Variants in CASZ1 observed in about 807,000 individuals in gnomAD.
The protein encoded by CASZ1 is zinc finger protein castor homolog 1.
CASZ1 carries 28 observed loss-of-function variants against 135.2 expected under a neutral mutation model. The ratio of observed to expected loss-of-function variants is 0.21; its 90% CI spans 0.15 to 0.28. CASZ1 has a LOEUF of 0.28. CASZ1 is among the 10% of genes least tolerant of loss of function. The pLI is 1.00. For synonymous variants in CASZ1, 1,068 were observed against 1,073.4 expected (o/e 0.99, Z 0.10); for missense variants, 2,161 against 2,453.3 (o/e 0.88, Z 2.52).
At chr1:10,753,970 C>G (rs1021628317) in intron 2 of CASZ1, among the ~76,000 whole-genome samples, 2 of 152,172 alleles carry the variant, frequency 1.3e-5, no homozygotes, top group African/African-American at 4.8e-5. Context: ...CCCACCCTGA[C>G]CCCCTCGACT....
In CASZ1 at chr1:10,699,328, G is replaced by C. The variant is rs1639011069; in HGVS notation, c.-23-5416C>G. ...TCCCCCCATTTCCTTTTAGGGAAGTGCTGGCCACAACCCCAAACAGTAGCC... is the reference window on the plus strand; with the variant it reads ...TCCCCCCATTTCCTTTTAGGGAAGTCCTGGCCACAACCCCAAACAGTAGCC... On this transcript the variant is annotated intron_variant, in intron 3 of 20. Transcript: ENST00000377022. This position sits in a 1 kb window ranked among gnomAD's most constrained non-coding sequence, Gnocchi z 4.6. Among the ~76,000 whole-genome samples, 1 of 152,194 alleles carries C rather than the reference G, an allele frequency of 6.6e-6. No homozygotes were observed. Among genetic ancestry groups the C allele is most frequent in the Admixed American group, 6.5e-5 (1 of 15,278 alleles).
Position 10,793,045 on chromosome 1 carries a change from G to A in CASZ1, c.-234+3519C>T, listed in dbSNP as rs565695632. Among the ~76,000 whole-genome samples the A allele has an allele frequency of 4.6e-5, 7 of 152,182 alleles. No homozygotes were observed. In the East Asian group the frequency reaches 1.3e-3, roughly 29 times the overall value. ...TAAATTAAAAAGGGGTGGGGGGCAA[G>A]ATAAACTATTAATAAGTGTGAAAAA... On this transcript the variant is annotated intron_variant, in intron 1 of 20. Transcript: ENST00000377022.
Position 10,643,007 on chromosome 1 carries a change from G to C in CASZ1, c.4021-7C>G. The stretch of plus-strand genomic sequence containing the variant: ...CCATCAGGCCTGGGGGGCCCTGAAA[G>C]GACACGGGGGTCCCTGAGGAAGTGG... On this transcript the variant is annotated splice_polypyrimidine_tract_variant and splice_region_variant and intron_variant, in intron 19 of 20. Coordinates refer to ENST00000377022, the MANE Select transcript of CASZ1 (RefSeq NM_001079843.3). The C allele has an allele frequency of 6.2e-7, 1 of 1,611,288 alleles. No homozygotes were observed. The highest frequency in any genetic ancestry group is 1.1e-5 in the South Asian group (1 of 91,026).
chr1:10,703,746 C>T (rs1050410913), intron 3 of CASZ1, among the ~76,000 whole-genome samples: 18 of 152,120 alleles, frequency 1.2e-4, no homozygotes, highest in African/African-American at 4.3e-4. Flanking sequence ...CCTAAAGGGC[C>T]AGAGAGAAAA....
Position 10,741,960 on chromosome 1 carries a change from G to A in CASZ1, c.-77+18741C>T, listed in dbSNP as rs1366111987. Among the ~76,000 whole-genome samples the A allele has an allele frequency of 1.3e-5, 2 of 151,924 alleles. No individual in the cohort carries two copies. The highest frequency in any genetic ancestry group is 1.5e-5 in the Non-Finnish European group (1 of 67,990). ...ACCTAATGTGCCTAACCCAGCAAGC[G>A]CCGAGACACGGACCCCTCACCGCTT... On this transcript the variant is annotated intron_variant, in intron 2 of 20. Coordinates refer to ENST00000377022, the MANE Select transcript of CASZ1 (RefSeq NM_001079843.3). The surrounding 1 kb of genome is among the most constrained non-coding windows in gnomAD (Gnocchi z 5.0).
rs796417089 is a variant in CASZ1, at chr1:10,692,401, G to C, written c.16+1473C>G. ...TCTGCTTCTTGGCTGGGATGGGTGG[G>C]GGCCCCATTTCCGAAGAAAGGGGGT... On this transcript the variant is annotated intron_variant, in intron 4 of 20. Transcript: ENST00000377022. Among the ~76,000 whole-genome samples the C allele has an allele frequency of 2.3e-4, 35 of 152,294 alleles. 4 individuals carry two copies. Among genetic ancestry groups the C allele is most frequent in the African/African-American group, 8.4e-4 (35 of 41,544 alleles).
chr1:10,776,945 G>A lies in CASZ1; in HGVS notation c.-233-16088C>T, dbSNP rs1435933122. Among the ~76,000 whole-genome samples, 1 of 152,114 alleles carries A rather than the reference G, an allele frequency of 6.6e-6. No homozygotes were observed. Among genetic ancestry groups the A allele is most frequent in the East Asian group, 1.9e-4 (1 of 5,190 alleles). On this transcript the variant is annotated intron_variant, in intron 1 of 20. Coordinates refer to ENST00000377022, the MANE Select transcript of CASZ1 (RefSeq NM_001079843.3). This position sits in a 1 kb window ranked among gnomAD's most constrained non-coding sequence, Gnocchi z 4.1. Reference sequence around the variant, plus strand: ...CCCCACCATCTGATCCCCTAGGAGGGTCCCTTTACTTCCTGCAACTGGAGG... The same window carrying A: ...CCCCACCATCTGATCCCCTAGGAGGATCCCTTTACTTCCTGCAACTGGAGG...
At position 10,767,139 on chromosome 1, in the gene CASZ1, C is replaced by T. The variant is rs893516809; in HGVS notation, c.-233-6282G>A. 1.3e-5 allele frequency among the ~76,000 whole-genome samples: 2 copies of T among 152,162 alleles called. No individual in the cohort carries two copies. The highest frequency in any genetic ancestry group is 1.5e-5 in the Non-Finnish European group (1 of 68,030). On this transcript the variant is annotated intron_variant, in intron 1 of 20. Transcript: ENST00000377022. This position sits in a 1 kb window ranked among gnomAD's most constrained non-coding sequence, Gnocchi z 4.2. The stretch of plus-strand genomic sequence containing the variant: ...GGGGAAAAGATGGGGCCCGGTCGTC[C>T]GCATTCCTCATGAGTTCCTGATGGG...
chr1:10,678,136 A>G (rs1461750428), intron 4 of CASZ1, among the ~76,000 whole-genome samples: 1 of 152,336 alleles, frequency 6.6e-6, no homozygotes, highest in East Asian at 1.9e-4. Context: ...GGCCCAGCCC[A>G]GGAGAGGCGG....
chr1:10,638,791 C>T lies in CASZ1; in HGVS notation c.*151G>A. The T allele has an allele frequency of 2.6e-6, 2 of 771,110 alleles. No homozygotes were observed. The highest frequency in any genetic ancestry group is 5.8e-5 in the South Asian group (1 of 17,156). 47.8% of individuals were successfully genotyped at this position (771,110 alleles called of 1,614,324 possible). A position where few individuals can be genotyped will look rare whatever the true frequency, so the allele number is the denominator to read the frequency against. The stretch of plus-strand genomic sequence containing the variant: ...CGCCTGTGTCCTCGGCCGCGGAGCA[C>T]CAGAGGGGTCCCCGCCTCTGTCCTG... On this transcript the variant is annotated 3_prime_UTR_variant, in exon 21 of 21. Coordinates refer to ENST00000377022, the MANE Select transcript of CASZ1 (RefSeq NM_001079843.3). The surrounding 1 kb of genome is among the most constrained non-coding windows in gnomAD (Gnocchi z 5.9).
At chr1:10,778,943 G>A (rs139298580) in intron 1 of CASZ1, among the ~76,000 whole-genome samples, 1 of 152,288 alleles carries the variant, frequency 6.6e-6, no homozygotes, top group Non-Finnish European at 1.5e-5. Flanking sequence ...TCACATCCTA[G>A]CCCAGAGGTG....
chr1:10,641,312 G>A (rs1033498212), intron 20 of CASZ1, among the ~76,000 whole-genome samples: 5 of 152,356 alleles, frequency 3.3e-5, no homozygotes, highest in South Asian at 2.1e-4. Flanking sequence ...TCCAACAGCC[G>A]GAAGTCCCTG....
rs908049710 is a variant in CASZ1, at chr1:10,709,613, C to T, written c.-76-4069G>A. ...AAAAGAGTGAAAAAGAAAGAGAGAG[C>T]GGGAGAGGGGGAGAGAGAGAGAGGG... On this transcript the variant is annotated intron_variant, in intron 2 of 20. Transcript: ENST00000377022. The surrounding 1 kb of genome is among the most constrained non-coding windows in gnomAD (Gnocchi z 5.1). Among the ~76,000 whole-genome samples the T allele has an allele frequency of 4.6e-5, 7 of 150,832 alleles. No homozygotes were observed. The highest frequency in any genetic ancestry group is 7.4e-5 in the Non-Finnish European group (5 of 67,708).
intron 1 of CASZ1, among the ~76,000 whole-genome samples, chr1:10,795,918 T>C (rs570910061): frequency 2.8e-4 from 42 of 152,118 alleles, no homozygotes; most frequent in Admixed American, 1.9e-3. Flanking sequence ...CTACACCCGG[T>C]ATCCGGGCAC....
Position 10,707,728 on chromosome 1 carries a change from T to C in CASZ1, c.-76-2184A>G, listed in dbSNP as rs11805515. Reference sequence around the variant, plus strand: ...AAGTAGCTGAGAGTTCATCTTGGTCTCTTCTTCCTTCTCTGGGCATCTTTT... The same window carrying C: ...AAGTAGCTGAGAGTTCATCTTGGTCCCTTCTTCCTTCTCTGGGCATCTTTT... On this transcript the variant is annotated intron_variant, in intron 2 of 20. Transcript: ENST00000377022. The surrounding 1 kb of genome is among the most constrained non-coding windows in gnomAD (Gnocchi z 5.0). Among the ~76,000 whole-genome samples the C allele has an allele frequency of 0.099, 15,038 of 152,188 alleles. 1,088 individuals carry two copies. Among genetic ancestry groups the C allele is most frequent in the East Asian group, 0.29 (1,498 of 5,156 alleles).
At chr1:10,753,957 C>T (rs12032131) in intron 2 of CASZ1, among the ~76,000 whole-genome samples, 7 of 152,230 alleles carry the variant, frequency 4.6e-5, no homozygotes, top group Middle Eastern at 3.4e-3. Flanking sequence ...GATCTGAGGG[C>T]CCCCCACCCT....
chr1:10,662,652 C>A (rs756571721), intron 5 of CASZ1, among the ~76,000 whole-genome samples: 1 of 152,034 alleles, frequency 6.6e-6, no homozygotes, highest in Non-Finnish European at 1.5e-5. Flanking sequence ...TATACTTGCT[C>A]ACCCCCACAC....
In CASZ1 at chr1:10,755,523, C is replaced by T. The variant is rs748586619; in HGVS notation, c.-77+5178G>A. Among the ~76,000 whole-genome samples, 25 of 152,132 alleles carry T rather than the reference C, an allele frequency of 1.6e-4. No individual in the cohort carries two copies. Among genetic ancestry groups the T allele is most frequent in the Non-Finnish European group, 3.1e-4 (21 of 68,016 alleles). On this transcript the variant is annotated intron_variant, in intron 2 of 20. Transcript: ENST00000377022. This position sits in a 1 kb window ranked among gnomAD's most constrained non-coding sequence, Gnocchi z 4.3. ...CCTTTGGATCAACTGCGTCACCCGC[C>T]GAGAAGTCCCCCGAGTAGCTCCAGA...
At chr1:10,751,559 A>G (rs1443123822) in intron 2 of CASZ1, among the ~76,000 whole-genome samples, 3 of 152,212 alleles carry the variant, frequency 2.0e-5, no homozygotes, top group African/African-American at 7.2e-5. Context: ...AATGTTGTTA[A>G]TGAAATATAA....
Sources: allele counts gnomAD v4.1 joint callset (sites outside exome capture counted in the v4.1 genomes callset), GRCh38; gene constraint gnomAD v4.1.1; non-coding constraint Gnocchi (gnomAD v3.1); transcripts MANE v1.5; gene names NCBI Gene and HGNC (gene_info 2026-07-23, HGNC 2026-07-21).